HHIPL1: variants seen among roughly 807,000 people sequenced by gnomAD.
HHIPL1 encodes the protein HHIP-like protein 1.
In HHIPL1, 43 loss-of-function variants were observed where a neutral mutation model predicts 61.8. The observed-to-expected ratio is 0.70, with a 90% CI of 0.55 to 0.90. The LOEUF (loss-of-function observed/expected upper bound fraction) is 0.90, where lower values mean the gene tolerates loss of function less well. Ranked by LOEUF, HHIPL1 falls within the 40% of genes least tolerant of loss-of-function variation. HHIPL1 has a pLI of 0.00. For synonymous variants in HHIPL1, 482 were observed against 515.8 expected (o/e 0.93, Z 0.89); for missense variants, 1,056 against 1,157.7 (o/e 0.91, Z 1.28).
the HHIPL1 span, among the ~76,000 whole-genome samples, chr14:99,605,351 G>T: frequency 6.9e-6 from 1 of 145,708 alleles, no homozygotes. Context: ...GCGCATTTAC[G>T]GCGCGTCTAC....
intron 7 of HHIPL1, chr14:99,669,362 G>A (rs1239618419): frequency 1.0e-6 from 1 of 994,158 alleles, no homozygotes; most frequent in African/African-American, 1.7e-5. Flanking sequence ...TACGGACACA[G>A]CTTGTACTTG....
chr14:99,615,409 T>G, the HHIPL1 span, among the ~76,000 whole-genome samples: 2 of 152,044 alleles, frequency 1.3e-5, no homozygotes, highest in African/African-American at 4.8e-5. Context: ...ATGGGCTTGG[T>G]GGTGCATGCC....
At chr14:99,653,803 G>A (rs1206747711) in intron 2 of HHIPL1, among the ~76,000 whole-genome samples, 1 of 152,222 alleles carries the variant, frequency 6.6e-6, no homozygotes, top group Admixed American at 6.5e-5. Flanking sequence ...TGGGGCACAT[G>A]TATCAGTCTA....
At chr14:99,619,431 T>C in the HHIPL1 span, among the ~76,000 whole-genome samples, 3 of 147,570 alleles carry the variant, frequency 2.0e-5, no homozygotes, top group Non-Finnish European at 4.5e-5. Flanking sequence ...TGTTGCACTC[T>C]AGCCGGGGTG....
chr14:99,613,843 G>A, the HHIPL1 span, among the ~76,000 whole-genome samples: 2 of 152,026 alleles, frequency 1.3e-5, no homozygotes, highest in East Asian at 3.9e-4. Context: ...CCCAGGAGTG[G>A]GAGGTTGCAG....
At chr14:99,636,021 G>T in the HHIPL1 span, among the ~76,000 whole-genome samples, 1 of 152,118 alleles carries the variant, frequency 6.6e-6, no homozygotes, top group Non-Finnish European at 1.5e-5. Flanking sequence ...CTCCACTTGT[G>T]GCTTCAGGAA....
At chr14:99,629,453 G>T in the HHIPL1 span, among the ~76,000 whole-genome samples, 4 of 152,158 alleles carry the variant, frequency 2.6e-5, no homozygotes, top group South Asian at 8.3e-4. Flanking sequence ...GGGGGCAGGG[G>T]CGTAGGCACA....
At chr14:99,629,890 G>T in the HHIPL1 span, among the ~76,000 whole-genome samples, 1 of 152,354 alleles carries the variant, frequency 6.6e-6, no homozygotes, top group East Asian at 1.9e-4. Context: ...TAGGCTCAGG[G>T]ACAGAAAGCA....
rs2056395432 is a variant in HHIPL1 at position 99,676,692 on chromosome 14, T to TG, written c.*1067dup. ...ACACACCACTTTCCTGCCTCCTCTC[T>TG]GACCTGCACCTGTGTGGGAGCCGGG... is the stretch of plus-strand genomic sequence containing the variant. On this transcript the variant is annotated 3_prime_UTR_variant, in exon 9 of 9. Coordinates refer to ENST00000330710, the MANE Select transcript of HHIPL1 (RefSeq NM_001127258.3). 6.6e-6 allele frequency: 1 copy of TG among 152,252 alleles called. No homozygotes were observed. Among genetic ancestry groups the TG allele is most frequent in the African/African-American group, 2.4e-5 (1 of 41,460 alleles). 9.4% of individuals were successfully genotyped at this position (152,252 alleles called of 1,614,324 possible).
chr14:99,642,623 T>C (rs2055766971), upstream of HHIPL1, among the ~76,000 whole-genome samples: 1 of 152,028 alleles, frequency 6.6e-6, no homozygotes, highest in Non-Finnish European at 1.5e-5. Flanking sequence ...CCTCCTGGGT[T>C]CACGCCATTC....
the HHIPL1 span, among the ~76,000 whole-genome samples, chr14:99,628,334 C>G: frequency 1.3e-5 from 2 of 152,170 alleles, no homozygotes; most frequent in African/African-American, 4.8e-5. Flanking sequence ...CATCCCAGCT[C>G]TTTGTGAAGC....
chr14:99,635,755 CAG>C, the HHIPL1 span, among the ~76,000 whole-genome samples: 1 of 152,186 alleles, frequency 6.6e-6, no homozygotes, highest in Non-Finnish European at 1.5e-5. Context: ...CATGGGGAGA[CAG>C]AGAGAGCTAC....
At chr14:99,610,079 T>G in the HHIPL1 span, among the ~76,000 whole-genome samples, 1 of 152,146 alleles carries the variant, frequency 6.6e-6, no homozygotes, top group Admixed American at 6.6e-5. Context: ...TCCCTTTCCA[T>G]GACTTCCCAG....
chr14:99,621,472 T>A, the HHIPL1 span, among the ~76,000 whole-genome samples: 3 of 152,230 alleles, frequency 2.0e-5, no homozygotes, highest in East Asian at 5.8e-4. Flanking sequence ...GGATTTTATG[T>A]GGGTTACACC....
the HHIPL1 span, among the ~76,000 whole-genome samples, chr14:99,610,948 G>A: frequency 6.6e-6 from 1 of 152,174 alleles, no homozygotes; most frequent in Admixed American, 6.5e-5. Context: ...TGTGTGCATT[G>A]TAGGACATTC....
chr14:99,673,096 C>T (rs2056343042), intron 8 of HHIPL1, among the ~76,000 whole-genome samples: 1 of 152,118 alleles, frequency 6.6e-6, no homozygotes, highest in African/African-American at 2.4e-5. Flanking sequence ...ACTCCGCGAG[C>T]CAAGGAAAAT....
intron 1 of HHIPL1, among the ~76,000 whole-genome samples, chr14:99,647,094 C>A (rs1205381478): frequency 6.6e-6 from 1 of 152,068 alleles, no homozygotes; most frequent in African/African-American, 2.4e-5. Context: ...GGTCGCACAG[C>A]CCAGCGGTGG....
At chr14:99,665,313 G>A (rs773015554) in intron 6 of HHIPL1, among the ~76,000 whole-genome samples, 1 of 152,164 alleles carries the variant, frequency 6.6e-6, no homozygotes, top group Non-Finnish European at 1.5e-5. Flanking sequence ...GAGTGGGGAG[G>A]GCCAGCACAG....
At chr14:99,626,937 G>A in the HHIPL1 span, among the ~76,000 whole-genome samples, 4 of 152,344 alleles carry the variant, frequency 2.6e-5, no homozygotes, top group African/African-American at 2.4e-5. Flanking sequence ...CAGTGAGGGA[G>A]AGAGTAATAT....
Sources: gnomAD v4.1 joint callset for allele counts (sites outside exome capture counted in the v4.1 genomes callset) on GRCh38, gnomAD v4.1.1 for gene constraint, MANE v1.5 for transcripts, NCBI Gene and HGNC (gene_info 2026-07-23, HGNC 2026-07-21) for gene names.